Variants in MYH10 observed in about 807,000 individuals in gnomAD.
MYH10 encodes myosin-10.
Under a neutral mutation model 257.8 loss-of-function variants are expected in MYH10, and 55 were observed. The observed-to-expected ratio is 0.21, with a 90% CI of 0.17 to 0.27. MYH10 has a LOEUF of 0.27. Among genes scored for constraint, MYH10 ranks in the 10% least tolerant of loss-of-function variants. The pLI, the probability that MYH10 is intolerant of heterozygous loss-of-function variation, is 1.00. For synonymous variants in MYH10, 854 were observed against 921.7 expected, an observed-to-expected ratio of 0.93 and a Z score of 1.33; for missense variants, 1,631 against 2,500.6, an observed-to-expected ratio of 0.65 and a Z score of 7.42.
At chr17:8,559,029 T>C (rs187232269) in intron 7 of MYH10, among the ~76,000 whole-genome samples, 1 of 152,332 alleles carries the variant, frequency 6.6e-6, no homozygotes, top group East Asian at 1.9e-4. Context: ...TGCAAAATAC[T>C]AAGGAAAATC....
intron 3 of MYH10, among the ~76,000 whole-genome samples, chr17:8,591,805 C>G (rs771932214): frequency 6.6e-6 from 1 of 152,126 alleles, no homozygotes; most frequent in Non-Finnish European, 1.5e-5. Flanking sequence ...AAAACCAACT[C>G]TCTTCTAGCC....
chr17:8,607,615 T>TA (rs2152080463), intron 2 of MYH10, among the ~76,000 whole-genome samples: 1 of 152,354 alleles, frequency 6.6e-6, no homozygotes, highest in African/African-American at 2.4e-5. Flanking sequence ...ACTGAATAGA[T>TA]ACTGCACCAG....
chr17:8,613,669 G>C (rs146000000), intron 2 of MYH10, among the ~76,000 whole-genome samples: 1 of 152,062 alleles, frequency 6.6e-6, no homozygotes, highest in South Asian at 2.1e-4. Context: ...AACATAGAGC[G>C]GGTAGGATAA....
At chr17:8,530,138 G>A (rs1248331439) in intron 17 of MYH10, among the ~76,000 whole-genome samples, 1 of 152,122 alleles carries the variant, frequency 6.6e-6, no homozygotes, top group African/African-American at 2.4e-5. Context: ...ACACACCTGA[G>A]GTAGCTATGT....
intron 17 of MYH10, among the ~76,000 whole-genome samples, chr17:8,527,743 A>T (rs2081895917): frequency 6.6e-6 from 1 of 152,230 alleles, no homozygotes; most frequent in Admixed American, 6.5e-5. Context: ...TACTCACAGT[A>T]ACCCTGAGAA....
chr17:8,515,224 T>C (rs1301857590), intron 21 of MYH10, among the ~76,000 whole-genome samples: 1 of 152,210 alleles, frequency 6.6e-6, no homozygotes, highest in Non-Finnish European at 1.5e-5. Context: ...AGGACTCTCC[T>C]GGGAAAGAGA....
At chr17:8,551,300 G>C (rs1313970271) in intron 9 of MYH10, among the ~76,000 whole-genome samples, 1 of 151,342 alleles carries the variant, frequency 6.6e-6, no homozygotes, top group South Asian at 2.1e-4. Context: ...TTTTTTTGTT[G>C]CTTGATTTTT....
intron 37 of MYH10, among the ~76,000 whole-genome samples, chr17:8,482,405 C>A (rs989571217): frequency 6.6e-6 from 1 of 152,192 alleles, no homozygotes; most frequent in Non-Finnish European, 1.5e-5. Context: ...TCTAGCACAT[C>A]CTGGCACACA....
intron 30 of MYH10, among the ~76,000 whole-genome samples, chr17:8,496,883 C>T (rs1475382796): frequency 2.6e-5 from 4 of 152,182 alleles, no homozygotes; most frequent in Admixed American, 6.5e-5. Flanking sequence ...ATGTTGAACA[C>T]CTACGTTTCT....
chr17:8,592,023 A>G (rs977711252), intron 3 of MYH10, among the ~76,000 whole-genome samples: 5 of 152,176 alleles, frequency 3.3e-5, no homozygotes, highest in African/African-American at 9.7e-5. Flanking sequence ...AAAACCCTAT[A>G]CATGTAACCA....
chr17:8,580,209 G>A (rs568363427), intron 4 of MYH10, among the ~76,000 whole-genome samples: 3 of 152,066 alleles, frequency 2.0e-5, no homozygotes, highest in East Asian at 1.9e-4. Context: ...GTTCTGAAAC[G>A]TGACTAACCA....
intron 7 of MYH10, among the ~76,000 whole-genome samples, chr17:8,568,667 T>C (rs2083239201): frequency 6.6e-6 from 1 of 151,902 alleles, no homozygotes; most frequent in African/African-American, 2.4e-5. Flanking sequence ...AATCTAACAG[T>C]GGAAGGGGTT....
At chr17:8,531,009 C>G (rs77557006) in intron 16 of MYH10, among the ~76,000 whole-genome samples, 10 of 152,048 alleles carry the variant, frequency 6.6e-5, no homozygotes, top group East Asian at 1.9e-4. Context: ...AGTTGTCTAT[C>G]GTAAAAATAT....
Position 8,504,939 on chromosome 17 carries a change from G to C in MYH10, c.3387-33C>G, listed in dbSNP as rs773612060. On this transcript the variant is annotated intron_variant, in intron 27 of 42. Coordinates refer to ENST00000360416, the MANE Select transcript of MYH10 (RefSeq NM_001256012.3). This position sits in a 1 kb window ranked among gnomAD's most constrained non-coding sequence, Gnocchi z 5.6. ...AACACCCAGGCGCAAGAGGCACTCA[G>C]AGATGGCACCCGGATGGCCTGTTTC... is the stretch of plus-strand genomic sequence containing the variant. The C allele has an allele frequency of 2.5e-6, 4 of 1,589,422 alleles. No homozygotes were observed. Among genetic ancestry groups the C allele is most frequent in the Non-Finnish European group, 3.5e-6 (4 of 1,158,110 alleles).
chr17:8,623,393 C>A, intron 1 of MYH10, 116 bp from the exon 2 acceptor site: 2 of 1,021,846 alleles, frequency 2.0e-6, no homozygotes, highest in Non-Finnish European at 2.7e-6. Flanking sequence ...TGTTAAGGAG[C>A]TGGGGTATAC....
chr17:8,515,407 C>T (rs2081431649), intron 21 of MYH10, among the ~76,000 whole-genome samples: 2 of 152,128 alleles, frequency 1.3e-5, no homozygotes, highest in East Asian at 1.9e-4. Context: ...AACTGCTATA[C>T]TGCCAACGAA....
intron 17 of MYH10, among the ~76,000 whole-genome samples, chr17:8,530,133 C>T (rs1286861668): frequency 6.6e-6 from 1 of 152,086 alleles, no homozygotes; most frequent in Non-Finnish European, 1.5e-5. Flanking sequence ...GACCAACACA[C>T]CTGAGGTAGC....
intron 7 of MYH10, chr17:8,561,690 G>A: frequency 3.2e-6 from 2 of 624,624 alleles, no homozygotes; most frequent in East Asian, 2.7e-5. Flanking sequence ...GTGAGCTGTA[G>A]AGAAATGTTC....
At position 8,569,798 on chromosome 17, in the gene MYH10, C is replaced by T. The variant is rs374035171; in HGVS notation, c.678G>A (p.Arg226=). The change falls in exon 7 of 43, where the codon CGG becomes CGA. Residue 226 remains arginine, a synonymous_variant. Transcript: ENST00000360416. The surrounding 1 kb of genome is among the most constrained non-coding windows in gnomAD (Gnocchi z 4.1). ...GAATTGGATTTGCTTGCAAAAGCTG[C>T]CGTTCAAGTTCCCCCTAAAAGACAT... ...KPVKHQGELE[R]QLLQANPILE... is the part of the protein sequence containing the mutation. 28 of 1,611,170 alleles carry T rather than the reference C, an allele frequency of 1.7e-5. No homozygotes were observed. In the African/African-American group the frequency reaches 3.5e-4, roughly 20 times the overall value.
Sources: allele counts gnomAD v4.1 joint callset (sites outside exome capture counted in the v4.1 genomes callset), GRCh38; gene constraint gnomAD v4.1.1; non-coding constraint Gnocchi (gnomAD v3.1); transcripts MANE v1.5; gene names NCBI Gene and HGNC (gene_info 2026-07-23, HGNC 2026-07-21).